The following RSPRY1 variants were observed in gnomAD, a reference collection of about 807,000 sequenced individuals.
The protein encoded by RSPRY1 is RING finger and SPRY domain-containing protein 1.
A neutral mutation model predicts 73.1 loss-of-function variants in RSPRY1; 23 were observed. The observed-to-expected ratio is 0.31, with a 90% CI of 0.23 to 0.45. The LOEUF is 0.45. Ranked by LOEUF, RSPRY1 falls within the 20% of genes least tolerant of loss-of-function variation. The pLI, the probability that RSPRY1 is intolerant of heterozygous loss-of-function variation, is 1.00. For synonymous variants in RSPRY1, 226 were observed against 251.4 expected, an observed-to-expected ratio of 0.90 and a Z score of 0.95; for missense variants, 448 against 698.7, an observed-to-expected ratio of 0.64 and a Z score of 4.05.
chr16:57,215,828 A>G (rs2074928255), intron 6 of RSPRY1, among the ~76,000 whole-genome samples: 1 of 152,246 alleles, frequency 6.6e-6, no homozygotes, highest in African/African-American at 2.4e-5. Flanking sequence ...TTTATTAAGT[A>G]AAATAACATA....
chr16:57,201,834 CTGCA>C (rs2074618309), intron 1 of RSPRY1, among the ~76,000 whole-genome samples: 1 of 152,244 alleles, frequency 6.6e-6, no homozygotes, highest in Non-Finnish European at 1.5e-5. Context: ...CGGTGCGCGC[CTGCA>C]ATCGCAGGCA....
At chr16:57,202,113 G>A (rs1423758146) in intron 1 of RSPRY1, among the ~76,000 whole-genome samples, 1 of 151,966 alleles carries the variant, frequency 6.6e-6, no homozygotes, top group African/African-American at 2.4e-5. Flanking sequence ...TTGAGGCTAG[G>A]AGTTCAAAAC....
rs1469544498 is a variant in RSPRY1 at position 57,235,228 on chromosome 16, G to A, written c.1634G>A (p.Ser545Asn). 1 of 1,605,472 alleles carries A rather than the reference G, an allele frequency of 6.2e-7. No individual in the cohort carries two copies. The highest frequency in any genetic ancestry group is 1.7e-5 in the Admixed American group (1 of 59,996). ...ACACAATTGAAGCCATGTGGACACAGGTAAGAGGATTTATATTAGGCAAAG... is the reference window on the plus strand; with the variant it reads ...ACACAATTGAAGCCATGTGGACACAAGTAAGAGGATTTATATTAGGCAAAG... ...ADTQLKPCGH[S>N]DLCMDCALQL... Residue 545 changes from serine (S) to asparagine (N), a missense_variant and splice_region_variant, in exon 14 of 15, where the codon AGT becomes AAT. By Grantham distance (46) the Ser-to-Asn change is conservative. Coordinates refer to ENST00000394420, the MANE Select transcript of RSPRY1 (RefSeq NM_133368.3).
chr16:57,187,428 AG>A (rs2074248326), intron 1 of RSPRY1, among the ~76,000 whole-genome samples: 1 of 152,232 alleles, frequency 6.6e-6, no homozygotes, highest in Middle Eastern at 3.4e-3. Flanking sequence ...TGAACTTTGA[AG>A]GGTTAGAAGT....
At chr16:57,232,758 C>T (rs1482625417) in intron 13 of RSPRY1, among the ~76,000 whole-genome samples, 1 of 152,224 alleles carries the variant, frequency 6.6e-6, no homozygotes, top group African/African-American at 2.4e-5. Context: ...ATTTTATGGG[C>T]AGCTTATACA....
intron 2 of RSPRY1, among the ~76,000 whole-genome samples, chr16:57,207,229 G>A (rs2074743035): frequency 2.0e-5 from 3 of 152,070 alleles, no homozygotes; most frequent in Non-Finnish European, 2.9e-5. Context: ...GTTTAAACAG[G>A]CAGCACCTAA....
At chr16:57,233,567 G>A (rs1421184850) in intron 13 of RSPRY1, among the ~76,000 whole-genome samples, 2 of 151,886 alleles carry the variant, frequency 1.3e-5, no homozygotes, top group East Asian at 1.9e-4. Context: ...ACTGGGTTTC[G>A]CCATGTTGCC....
chr16:57,238,842 G>T, intron 14 of RSPRY1, 37 bp from the exon 15 acceptor site: 1 of 1,262,134 alleles, frequency 7.9e-7, no homozygotes, highest in South Asian at 1.5e-5. Flanking sequence ...ACCTTTTGAA[G>T]CATTAACTTG....
intron 14 of RSPRY1, among the ~76,000 whole-genome samples, chr16:57,237,938 C>T (rs75053752): frequency 0.034 from 5,167 of 152,168 alleles, 290 homozygotes; most frequent in East Asian, 0.23. Flanking sequence ...AATGGTGACA[C>T]ATAGGAAGCA....
intron 4 of RSPRY1, among the ~76,000 whole-genome samples, 160 bp downstream of exon 4, chr16:57,209,347 G>T (rs1432727269): frequency 6.6e-6 from 1 of 152,042 alleles, no homozygotes; most frequent in Non-Finnish European, 1.5e-5. Context: ...GTATTATGAA[G>T]AATTATGTCC....
At chr16:57,225,580 C>T (rs1490540358) in intron 10 of RSPRY1, among the ~76,000 whole-genome samples, 1 of 152,210 alleles carries the variant, frequency 6.6e-6, no homozygotes, top group Non-Finnish European at 1.5e-5. Context: ...AAGAAGCAGG[C>T]CATCAGGACC....
At chr16:57,215,175 A>AG (rs2074917029) in intron 6 of RSPRY1, among the ~76,000 whole-genome samples, 1 of 152,158 alleles carries the variant, frequency 6.6e-6, no homozygotes, top group South Asian at 2.1e-4. Context: ...GAGGGAAAAA[A>AG]TTGGTTTCTT....
At chr16:57,188,706 A>T (rs761145733) in intron 1 of RSPRY1, among the ~76,000 whole-genome samples, 13 of 151,872 alleles carry the variant, frequency 8.6e-5, no homozygotes, top group Non-Finnish European at 4.4e-5. Context: ...AGTAGAGACG[A>T]GGTTTCTCCG....
Position 57,216,988 on chromosome 16 carries a change from T to C in RSPRY1, c.854T>C (p.Leu285Pro). The change falls in exon 8 of 15, where the codon CTG becomes CCG. Residue 285 changes from leucine (L) to proline (P), a missense_variant. By Grantham distance (98) the Leu-to-Pro change is moderately conservative. Transcript: ENST00000394420. Reference sequence around the variant, plus strand: ...TCCTGGGCTAATGATCCTGATTATCTGAAACGTCAAGTTGGTTTCTGTGCC... The same window carrying C: ...TCCTGGGCTAATGATCCTGATTATCCGAAACGTCAAGTTGGTTTCTGTGCC... ...LESWANDPDY[L>P]KRQVGFCAQW... 1 of 1,614,134 alleles carries C rather than the reference T, an allele frequency of 6.2e-7. No homozygotes were observed. The highest frequency in any genetic ancestry group is 8.5e-7 in the Non-Finnish European group (1 of 1,179,974).
chr16:57,193,934 C>T (rs1180536022), intron 1 of RSPRY1, among the ~76,000 whole-genome samples: 1 of 152,096 alleles, frequency 6.6e-6, no homozygotes, highest in Non-Finnish European at 1.5e-5. Flanking sequence ...GGTGTGGTGG[C>T]ATGTGCCAAT....
chr16:57,210,125 C>T (rs1597888444), intron 4 of RSPRY1, among the ~76,000 whole-genome samples: 1 of 150,488 alleles, frequency 6.6e-6, no homozygotes, highest in East Asian at 2.0e-4. Flanking sequence ...CCCGCCTAGG[C>T]TAGAGTGCAG....
intron 10 of RSPRY1, among the ~76,000 whole-genome samples, chr16:57,224,951 C>CT (rs1175250689): frequency 6.6e-6 from 1 of 152,250 alleles, no homozygotes; most frequent in Non-Finnish European, 1.5e-5. Flanking sequence ...TTGCCTTTTA[C>CT]TTATGCCACA....
chr16:57,203,466 T>TA (rs1320399820), intron 1 of RSPRY1, among the ~76,000 whole-genome samples: 1 of 152,200 alleles, frequency 6.6e-6, no homozygotes, highest in African/African-American at 2.4e-5. Context: ...GTCTATTCCT[T>TA]ATGTGGCCTG....
At chr16:57,189,134 C>T (rs2074305454) in intron 1 of RSPRY1, among the ~76,000 whole-genome samples, 1 of 151,858 alleles carries the variant, frequency 6.6e-6, no homozygotes, top group Non-Finnish European at 1.5e-5. Flanking sequence ...ACTGGGATTA[C>T]AGGCAAGCAC....
Sources: gnomAD v4.1 joint callset for allele counts (sites outside exome capture counted in the v4.1 genomes callset) on GRCh38, gnomAD v4.1.1 for gene constraint, MANE v1.5 for transcripts, NCBI Gene and HGNC (gene_info 2026-07-23, HGNC 2026-07-21) for gene names.